The following INVS variants were observed in gnomAD, a reference collection of about 807,000 sequenced individuals.
INVS encodes inversion of embryo turning homolog.
INVS carries 86 observed loss-of-function variants against 108.8 expected under a neutral mutation model. The observed-to-expected ratio is 0.79, with a 90% CI of 0.66 to 0.95. The LOEUF is 0.95. Among genes scored for constraint, INVS ranks in the 40% least tolerant of loss-of-function variants. The probability of loss-of-function intolerance (pLI) is 0.00; values close to 1 mark genes in which losing one functional copy is unlikely to be tolerated. For synonymous variants in INVS, 455 were observed against 473.5 expected, an observed-to-expected ratio of 0.96 and a Z score of 0.51; for missense variants, 1,169 against 1,297.4, an observed-to-expected ratio of 0.90 and a Z score of 1.52.
chr9:100,260,259 G>A (rs1193020483), intron 10 of INVS, among the ~76,000 whole-genome samples: 9 of 129,490 alleles, frequency 7.0e-5, no homozygotes, highest in South Asian at 4.9e-4. Context: ...GCACAACCTC[G>A]GCTTACTGCA....
At chr9:100,179,632 G>T (rs1829820815) in intron 3 of INVS, among the ~76,000 whole-genome samples, 1 of 152,084 alleles carries the variant, frequency 6.6e-6, no homozygotes. Flanking sequence ...GAACCACCCA[G>T]ATTCATAAAG....
chr9:100,226,248 C>A lies in INVS; in HGVS notation c.447+13C>A. On this transcript the variant is annotated intron_variant, in intron 4 of 16. Coordinates refer to ENST00000262457, the MANE Select transcript of INVS (RefSeq NM_014425.5). The stretch of plus-strand genomic sequence containing the variant: ...GGATAAAAACAAGGTAATGGATACT[C>A]AAAATCAAAGACTAATAAGACCAGA... 1 of 1,610,504 alleles carries A rather than the reference C, an allele frequency of 6.2e-7. No individual in the cohort carries two copies. Among genetic ancestry groups the A allele is most frequent in the South Asian group, 1.1e-5 (1 of 90,484 alleles).
rs903081047 is a variant in INVS at position 100,256,448 on chromosome 9, C to T, written c.1464+3312C>T. Reference sequence around the variant, plus strand: ...TGCTGTGATCTTAGTTATTTCTTGCCTTCTGCTAGCTTTTGAATGTGGTTG... The same window carrying T: ...TGCTGTGATCTTAGTTATTTCTTGCTTTCTGCTAGCTTTTGAATGTGGTTG... On this transcript the variant is annotated intron_variant, in intron 10 of 16. Transcript: ENST00000262457. Among the ~76,000 whole-genome samples the T allele has an allele frequency of 6.6e-5, 10 of 151,978 alleles. 1 individual carries two copies. The highest frequency in any genetic ancestry group is 5.9e-4 in the Admixed American group (9 of 15,258).
intron 5 of INVS, among the ~76,000 whole-genome samples, chr9:100,232,053 C>T (rs1298116351): frequency 6.6e-6 from 1 of 152,010 alleles, no homozygotes; most frequent in Non-Finnish European, 1.5e-5. Context: ...TTCTAACTGG[C>T]ATGAGATGGT....
intron 10 of INVS, among the ~76,000 whole-genome samples, chr9:100,257,683 A>G (rs941779076): frequency 1.3e-5 from 2 of 152,158 alleles, no homozygotes; most frequent in Admixed American, 6.5e-5. Context: ...GTTTGGCTGG[A>G]TATGAAGTTC....
At chr9:100,101,769 C>T (rs1827001162) in intron 1 of INVS, 4 of 152,144 alleles carry the variant, frequency 2.6e-5, no homozygotes, top group South Asian at 4.1e-4. Context: ...AAGGACTTGC[C>T]TACCCTCATG....
In INVS at chr9:100,296,917, C is replaced by T. The variant is rs542031662; in HGVS notation, c.2787C>T (p.Ser929=). Residue 929 remains serine (S), a splice_region_variant and synonymous_variant, in exon 15 of 17, where the codon AGC becomes AGT. Coordinates refer to ENST00000262457, the MANE Select transcript of INVS (RefSeq NM_014425.5). ...CTCTCCTCTCCTCTGACCCAACCAG[C>T]TACCAGCTCAGGAAGCACCTGTCCC... The part of the protein sequence containing the change: ...AAAVIQRAWR[S]YQLRKHLSHL... 5 of 1,613,700 alleles carry T rather than the reference C, an allele frequency of 3.1e-6. No homozygotes were observed.
chr9:100,110,512 G>T (rs180724046), intron 2 of INVS, among the ~76,000 whole-genome samples: 1 of 152,134 alleles, frequency 6.6e-6, no homozygotes, highest in Non-Finnish European at 1.5e-5. Context: ...AGAAAGAACC[G>T]ATTAGGTGTG....
intron 8 of INVS, among the ~76,000 whole-genome samples, chr9:100,249,782 C>T (rs1832166488): frequency 6.6e-6 from 1 of 151,522 alleles, no homozygotes; most frequent in African/African-American, 2.4e-5. Flanking sequence ...GCATGAGCCA[C>T]CGCGCCTGGC....
At chr9:100,164,600 G>T (rs1480462626) in intron 3 of INVS, among the ~76,000 whole-genome samples, 4 of 151,982 alleles carry the variant, frequency 2.6e-5, no homozygotes, top group Non-Finnish European at 5.9e-5. Flanking sequence ...CTCAGATATT[G>T]CAGGGATATC....
chr9:100,149,351 C>A (rs1233712056), intron 3 of INVS, among the ~76,000 whole-genome samples: 1 of 152,094 alleles, frequency 6.6e-6, no homozygotes, highest in Non-Finnish European at 1.5e-5. Flanking sequence ...ATTTGAAACT[C>A]TTATGTCCTA....
chr9:100,267,122 G>T (rs887731095), intron 11 of INVS, among the ~76,000 whole-genome samples: 1 of 149,602 alleles, frequency 6.7e-6, no homozygotes, highest in Non-Finnish European at 1.5e-5. Context: ...AGCATTTACC[G>T]CCTGACTGCT....
chr9:100,291,281 C>T (rs1833606441), intron 13 of INVS, among the ~76,000 whole-genome samples: 1 of 152,032 alleles, frequency 6.6e-6, no homozygotes, highest in African/African-American at 2.4e-5. Context: ...TCAGGCTGGT[C>T]TCAAACTCCT....
At chr9:100,244,836 C>CA (rs1169507186) in intron 7 of INVS, among the ~76,000 whole-genome samples, 1 of 152,066 alleles carries the variant, frequency 6.6e-6, no homozygotes, top group African/African-American at 2.4e-5. Flanking sequence ...GAAAACAAAG[C>CA]AAAAAATCAC....
chr9:100,162,784 G>GCC (rs906102141), intron 3 of INVS, among the ~76,000 whole-genome samples: 42 of 151,464 alleles, frequency 2.8e-4, no homozygotes, highest in African/African-American at 1.0e-3. Context: ...CCGAGATCAT[G>GCC]CCACTGCACT....
intron 3 of INVS, among the ~76,000 whole-genome samples, chr9:100,161,715 CAG>C (rs572183068): frequency 4.9e-4 from 74 of 152,120 alleles, no homozygotes; most frequent in Non-Finnish European, 9.0e-4. Flanking sequence ...AGGAGCAAGA[CAG>C]AAAACTGAAT....
At chr9:100,190,290 C>T (rs1830181536) in intron 3 of INVS, among the ~76,000 whole-genome samples, 1 of 152,054 alleles carries the variant, frequency 6.6e-6, no homozygotes, top group South Asian at 2.1e-4. Context: ...TTAAGTGAGT[C>T]TCTTGAATAC....
chr9:100,126,430 CT>C lies in INVS; in HGVS notation c.156del (p.Met53CysfsTer16), dbSNP rs1827886115. On this transcript the variant is annotated frameshift_variant, in exon 3 of 17. Coordinates refer to ENST00000262457, the MANE Select transcript of INVS (RefSeq NM_014425.5). LOFTEE classifies it high-confidence loss of function. ...AGAAGATCAGTTTGGGAGAACACCA[CT>C]TATGTATTGCGTGTTGGCTGACAGA... ...DKEDQFGRTP[L>X]MYCVLADRLD... 6.2e-7 allele frequency: 1 copy of C among 1,613,938 alleles called. No homozygotes were observed. The highest frequency in any genetic ancestry group is 1.3e-5 in the African/African-American group (1 of 74,920).
chr9:100,293,101 G>A, intron 14 of INVS, 58 bp downstream of exon 14: 2 of 1,490,066 alleles, frequency 1.3e-6, no homozygotes, highest in Admixed American at 1.7e-5. Context: ...TTCTCAACAT[G>A]ACATCTGTGC....
Sources: gnomAD v4.1 joint callset for allele counts (sites outside exome capture counted in the v4.1 genomes callset) on GRCh38, gnomAD v4.1.1 for gene constraint, MANE v1.5 for transcripts, NCBI Gene and HGNC (gene_info 2026-07-23, HGNC 2026-07-21) for gene names.